GLDN: variants seen among roughly 807,000 people sequenced by gnomAD.
GLDN encodes the protein gliomedin.
In GLDN, 47 loss-of-function variants were observed where a neutral mutation model predicts 56.5. The observed-to-expected ratio is 0.83, with a 90% confidence interval of 0.66 to 1.06. The LOEUF is 1.06. Ranked by LOEUF, GLDN falls within the 50% of genes least tolerant of loss-of-function variation. The pLI, the probability that GLDN is intolerant of heterozygous loss-of-function variation, is 0.00. For missense variants in GLDN, 782 were observed against 714.3 expected (o/e 1.09, Z -1.08); for synonymous variants, 332 against 278.8 (o/e 1.19, Z -1.90).
rs374251952 is a variant in GLDN, at chr15:51,383,460, G to T, written c.433+7G>T. On this transcript the variant is annotated splice_region_variant and intron_variant, in intron 3 of 9. Coordinates refer to ENST00000335449, the MANE Select transcript of GLDN (RefSeq NM_181789.4). ...GGACCTTCTGGACCACCAGGTAAGAGCCCATGGATTTTCTAGTTCAAGGGG... is the reference window on the plus strand; with the variant it reads ...GGACCTTCTGGACCACCAGGTAAGATCCCATGGATTTTCTAGTTCAAGGGG... 6.0e-5 allele frequency: 97 copies of T among 1,613,924 alleles called. No individual in the cohort carries two copies. The African/African-American group carries it at 7.2e-4, about 12-fold the overall frequency.
chr15:51,412,530 G>T (rs2038477901), downstream of GLDN, among the ~76,000 whole-genome samples: 1 of 152,102 alleles, frequency 6.6e-6, no homozygotes, highest in Non-Finnish European at 1.5e-5. Context: ...CCCCCAACTT[G>T]TGCTCTGGAA....
chr15:51,399,326 C>G (rs1283965009), intron 6 of GLDN, among the ~76,000 whole-genome samples: 1 of 152,210 alleles, frequency 6.6e-6, no homozygotes, highest in Non-Finnish European at 1.5e-5. Flanking sequence ...TTCCATCAAG[C>G]AACCACAAGG....
At chr15:51,358,027 C>T (rs991388254) in intron 1 of GLDN, among the ~76,000 whole-genome samples, 1 of 152,184 alleles carries the variant, frequency 6.6e-6, no homozygotes, top group Non-Finnish European at 1.5e-5. Context: ...AGGCCTAGGA[C>T]ATTTTTCCTT....
chr15:51,411,209 C>T (rs1436469076), downstream of GLDN, among the ~76,000 whole-genome samples: 1 of 152,228 alleles, frequency 6.6e-6, no homozygotes, highest in Non-Finnish European at 1.5e-5. Flanking sequence ...TAAGGGCCTC[C>T]TAACCCGCTC....
intron 9 of GLDN, among the ~76,000 whole-genome samples, chr15:51,403,032 G>C (rs2038289026): frequency 6.6e-6 from 1 of 152,224 alleles, no homozygotes; most frequent in Admixed American, 6.5e-5. Flanking sequence ...GCCACACGGA[G>C]GTGGCGTGGG....
At chr15:51,344,410 T>C (rs2036941462) in intron 1 of GLDN, among the ~76,000 whole-genome samples, 1 of 152,244 alleles carries the variant, frequency 6.6e-6, no homozygotes, top group African/African-American at 2.4e-5. Context: ...CAATATTCTT[T>C]CCATTCAGCT....
At chr15:51,389,138 C>T (rs1162845755) in intron 4 of GLDN, among the ~76,000 whole-genome samples, 1 of 152,224 alleles carries the variant, frequency 6.6e-6, no homozygotes, top group Non-Finnish European at 1.5e-5. Context: ...AGGCCTTGAC[C>T]TCCTCATCTG....
intron 5 of GLDN, among the ~76,000 whole-genome samples, chr15:51,397,089 G>C (rs1200848797): frequency 2.0e-5 from 3 of 152,142 alleles, no homozygotes; most frequent in Non-Finnish European, 4.4e-5. Flanking sequence ...CAGAGCAGAG[G>C]GTGTCCCCTG....
rs752106265 is a variant in GLDN at position 51,404,662 on chromosome 15, T to C, written c.1564T>C (p.Tyr522His). The C allele has an allele frequency of 1.2e-6, 2 of 1,611,728 alleles. No individual in the cohort carries two copies. The highest frequency in any genetic ancestry group is 4.5e-5 in the East Asian group (2 of 44,884). ...CCAGTCTGTTCTTGCCATGTTAGCA[T>C]ACAACATGAGAGATCAGCATTTATA... ...TSQSVLAMLA[Y>H]NMRDQHLYSW... The change falls in exon 10 of 10, where the codon TAC becomes CAC. Residue 522 changes from tyrosine (Y) to histidine (H), a missense_variant. By Grantham distance (83) the Tyr-to-His change is moderately conservative (BLOSUM62 2). Coordinates refer to ENST00000335449, the MANE Select transcript of GLDN (RefSeq NM_181789.4).
At chr15:51,403,816 TCTTA>T (rs2038309171) in intron 9 of GLDN, among the ~76,000 whole-genome samples, 2 of 152,336 alleles carry the variant, frequency 1.3e-5, no homozygotes, top group East Asian at 3.9e-4. Context: ...TGGCTCTGCC[TCTTA>T]CTTGTCTTCA....
intron 1 of GLDN, among the ~76,000 whole-genome samples, chr15:51,355,140 A>G (rs1391438734): frequency 6.6e-6 from 1 of 152,246 alleles, no homozygotes; most frequent in Admixed American, 6.5e-5. Flanking sequence ...ATAAAGTGAA[A>G]GCAAGCTTAT....
At chr15:51,353,010 C>T (rs1253948210) in intron 1 of GLDN, among the ~76,000 whole-genome samples, 1 of 152,196 alleles carries the variant, frequency 6.6e-6, no homozygotes, top group Non-Finnish European at 1.5e-5. Context: ...GATTACTAAC[C>T]TCCCCAATTG....
downstream of GLDN, among the ~76,000 whole-genome samples, chr15:51,408,626 C>T (rs1238274621): frequency 1.3e-5 from 2 of 152,064 alleles, no homozygotes; most frequent in African/African-American, 2.4e-5. Flanking sequence ...TGTTGGTGTG[C>T]TGCACCCACC....
intron 9 of GLDN, 127 bp from the exon 10 acceptor site, chr15:51,404,150 T>C (rs985553606): frequency 4.2e-6 from 3 of 716,098 alleles, no homozygotes; most frequent in African/African-American, 1.8e-5. Flanking sequence ...CCTGGGAGCT[T>C]GTAAGGAATG....
chr15:51,368,449 A>G (rs2037450456), intron 1 of GLDN, among the ~76,000 whole-genome samples: 1 of 151,926 alleles, frequency 6.6e-6, no homozygotes, highest in Admixed American at 6.6e-5. Flanking sequence ...CTTGCCCCCC[A>G]GGCCGCTGAT....
chr15:51,366,696 G>A (rs1002438304), intron 1 of GLDN, among the ~76,000 whole-genome samples: 3 of 152,138 alleles, frequency 2.0e-5, no homozygotes, highest in African/African-American at 7.2e-5. Context: ...GATTATTTGA[G>A]CCCAGGTGTT....
intron 5 of GLDN, among the ~76,000 whole-genome samples, chr15:51,395,804 G>C (rs1274835355): frequency 1.3e-5 from 2 of 152,142 alleles, no homozygotes; most frequent in Admixed American, 1.3e-4. Context: ...GGCTGTACAA[G>C]AGGCATGATG....
Position 51,404,794 on chromosome 15 carries a change from T to C in GLDN, c.*40T>C. On this transcript the variant is annotated 3_prime_UTR_variant, in exon 10 of 10. Transcript: ENST00000335449. ...CTCCCTTCAGCAAATTTCAGGGGTT[T>C]TCTGGGACCAGTTCTCCCCCAACAG... 9.7e-7 allele frequency: 1 copy of C among 1,030,042 alleles called. No individual in the cohort carries two copies. The highest frequency in any genetic ancestry group is 1.5e-6 in the Non-Finnish European group (1 of 675,532). 63.8% of individuals were successfully genotyped at this position (1,030,042 alleles called of 1,614,324 possible). A position where few individuals can be genotyped will look rare whatever the true frequency, so the allele number is the denominator to read the frequency against.
chr15:51,384,002 G>A, intron 4 of GLDN, 110 bp downstream of exon 4: 1 of 846,860 alleles, frequency 1.2e-6, no homozygotes, highest in Non-Finnish European at 2.0e-6. Flanking sequence ...TCTCTGCACA[G>A]TTTAAGGCCG....
Sources: gnomAD v4.1 joint callset for allele counts (sites outside exome capture counted in the v4.1 genomes callset) on GRCh38, gnomAD v4.1.1 for gene constraint, MANE v1.5 for transcripts, NCBI Gene and HGNC (gene_info 2026-07-23, HGNC 2026-07-21) for gene names.